Variants in SND1 observed in about 807,000 individuals in gnomAD.
The protein encoded by SND1 is staphylococcal nuclease and tudor domain containing 1, also known as staphylococcal nuclease domain-containing protein 1.
A neutral mutation model predicts 121.7 loss-of-function variants in SND1; 38 were observed. The ratio of observed to expected loss-of-function variants is 0.31; its 90% CI spans 0.24 to 0.41. The LOEUF is 0.41. Among genes scored for constraint, SND1 ranks in the 10% least tolerant of loss-of-function variants. SND1 has a pLI of 1.00. For synonymous variants in SND1, 401 were observed against 447.4 expected, an observed-to-expected ratio of 0.90 and a Z score of 1.31; for missense variants, 868 against 1,184.6, an observed-to-expected ratio of 0.73 and a Z score of 3.92.
intron 15 of SND1, among the ~76,000 whole-genome samples, chr7:127,971,775 T>TC (rs1801994864): frequency 1.3e-5 from 2 of 150,956 alleles, no homozygotes; most frequent in African/African-American, 2.4e-5. Flanking sequence ...GAATTAATTT[T>TC]TTTTTTTTTT....
intron 11 of SND1, among the ~76,000 whole-genome samples, chr7:127,815,472 A>G (rs900562838): frequency 2.0e-5 from 3 of 152,236 alleles, no homozygotes; most frequent in Middle Eastern, 3.4e-3. Flanking sequence ...TCTGTGCAAC[A>G]GAGTGAGACC....
At chr7:127,909,665 C>G (rs886999229) in intron 14 of SND1, among the ~76,000 whole-genome samples, 7 of 152,152 alleles carry the variant, frequency 4.6e-5, no homozygotes, top group African/African-American at 1.7e-4. Flanking sequence ...CCCCTGGCCT[C>G]AAGTGATCCT....
chr7:127,713,559 A>G (rs973675403), intron 9 of SND1, among the ~76,000 whole-genome samples: 1 of 152,146 alleles, frequency 6.6e-6, no homozygotes, highest in Non-Finnish European at 1.5e-5. Context: ...CTCTTCAACA[A>G]TCACCCTGTT....
intron 16 of SND1, among the ~76,000 whole-genome samples, chr7:128,001,881 A>G (rs958113244): frequency 2.0e-5 from 3 of 152,244 alleles, no homozygotes; most frequent in African/African-American, 4.8e-5. Context: ...CGGTGAGCCA[A>G]GATCGCACCA....
intron 10 of SND1, among the ~76,000 whole-genome samples, chr7:127,771,062 G>A (rs1797504503): frequency 6.6e-6 from 1 of 152,148 alleles, no homozygotes; most frequent in Admixed American, 6.5e-5. Flanking sequence ...TCACTGTGTA[G>A]CATCTTTTCC....
chr7:127,745,474 T>C (rs1255733385), intron 10 of SND1, among the ~76,000 whole-genome samples: 4 of 152,154 alleles, frequency 2.6e-5, no homozygotes. Flanking sequence ...TTTTTGTTTG[T>C]TTGTTTTGTA....
At chr7:127,659,766 G>T (rs1053612178) in intron 1 of SND1, among the ~76,000 whole-genome samples, 1 of 152,158 alleles carries the variant, frequency 6.6e-6, no homozygotes, top group Admixed American at 6.5e-5. Flanking sequence ...TCTGGCCTGG[G>T]TGCTGCCATT....
At chr7:127,660,039 TGAGAAAGAA>T (rs1795281836) in intron 1 of SND1, among the ~76,000 whole-genome samples, 1 of 149,612 alleles carries the variant, frequency 6.7e-6, no homozygotes, top group African/African-American at 2.5e-5. Flanking sequence ...ATCTTTAGTT[TGAGAAAGAA>T]GATTAGTGGA....
chr7:127,721,676 G>C (rs1796498605), intron 10 of SND1, among the ~76,000 whole-genome samples: 1 of 152,186 alleles, frequency 6.6e-6, no homozygotes, highest in Admixed American at 6.5e-5. Flanking sequence ...GTTGGGATAT[G>C]TGAGATGGTG....
At position 127,887,895 on chromosome 7, in the gene SND1, G is replaced by A. The variant is rs200000137; in HGVS notation, c.1344-7G>A. The A allele has an allele frequency of 5.2e-5, 84 of 1,604,570 alleles. No homozygotes were observed. The East Asian group carries it at 1.7e-3, about 32-fold the overall frequency. ...TAGTGCTCACTGACCTATCTTTTCT[G>A]TTGCAGAAACATTGCTGAGGCTCTT... On this transcript the variant is annotated splice_polypyrimidine_tract_variant and splice_region_variant and intron_variant, in intron 12 of 23. Transcript: ENST00000354725.
At chr7:127,652,638 C>A (rs1265155003) in intron 1 of SND1, among the ~76,000 whole-genome samples, 187 bp downstream of exon 1, 2 of 152,284 alleles carry the variant, frequency 1.3e-5, no homozygotes, top group East Asian at 3.9e-4. Context: ...TTGTTCCTTG[C>A]CTCCCGGACA....
intron 16 of SND1, among the ~76,000 whole-genome samples, chr7:128,054,762 A>C (rs3757759): frequency 0.72 from 108,995 of 152,104 alleles, 40,518 homozygotes; most frequent in African/African-American, 0.91. Context: ...CGTGACCTAC[A>C]ATCATTTCCC....
chr7:127,811,204 G>A (rs1417689336), intron 11 of SND1, among the ~76,000 whole-genome samples: 1 of 152,114 alleles, frequency 6.6e-6, no homozygotes, highest in Non-Finnish European at 1.5e-5. Flanking sequence ...TTAGAATTGG[G>A]CATTTTTCTT....
chr7:127,779,591 G>T (rs1343990402), intron 10 of SND1, among the ~76,000 whole-genome samples: 1 of 152,170 alleles, frequency 6.6e-6, no homozygotes, highest in Non-Finnish European at 1.5e-5. Context: ...AGGGGCCTTT[G>T]GAAATGTGTA....
chr7:128,061,127 C>T (rs1242876678), intron 16 of SND1, among the ~76,000 whole-genome samples: 2 of 152,166 alleles, frequency 1.3e-5, no homozygotes, highest in African/African-American at 4.8e-5. Context: ...AGGGACTACC[C>T]GCTGCATCCT....
At chr7:128,074,714 C>T in intron 17 of SND1, 24 bp downstream of exon 17, 1 of 1,585,498 alleles carries the variant, frequency 6.3e-7, no homozygotes, top group Non-Finnish European at 8.6e-7. Context: ...CCCAGCTGTG[C>T]TCTCCCTGCC....
At chr7:127,663,723 T>A (rs1251330429) in intron 1 of SND1, among the ~76,000 whole-genome samples, 3 of 152,174 alleles carry the variant, frequency 2.0e-5, no homozygotes, top group Admixed American at 1.3e-4. Flanking sequence ...CCCAGGTGTC[T>A]TAAGGTCTTA....
At chr7:127,876,828 G>T (rs1164491345) in intron 12 of SND1, among the ~76,000 whole-genome samples, 1 of 152,088 alleles carries the variant, frequency 6.6e-6, no homozygotes, top group Non-Finnish European at 1.5e-5. Context: ...TCACTTTGGG[G>T]ACATTACCGC....
intron 6 of SND1, 137 bp from the exon 7 acceptor site, chr7:127,703,028 A>C: frequency 3.4e-6 from 3 of 887,864 alleles, no homozygotes; most frequent in Non-Finnish European, 5.3e-6. Flanking sequence ...GTGTGTTTTA[A>C]ATTAGAAGGA....
Sources: allele counts gnomAD v4.1 joint callset (sites outside exome capture counted in the v4.1 genomes callset), GRCh38; gene constraint gnomAD v4.1.1; transcripts MANE v1.5; gene names NCBI Gene and HGNC (gene_info 2026-07-23, HGNC 2026-07-21).